KAZN: variants seen among roughly 807,000 people sequenced by gnomAD.
KAZN encodes kazrin.
KAZN carries 40 observed loss-of-function variants against 87.4 expected under a neutral mutation model. The ratio of observed to expected loss-of-function variants is 0.46; its 90% CI spans 0.36 to 0.60. KAZN has a LOEUF of 0.60. Ranked by LOEUF, KAZN falls within the 20% of genes least tolerant of loss-of-function variation. The pLI, the probability that KAZN is intolerant of heterozygous loss-of-function variation, is 0.00. For synonymous variants in KAZN, 466 were observed against 458.3 expected (o/e 1.02, Z -0.22); for missense variants, 898 against 1,073.9 (o/e 0.84, Z 2.29).
intron 2 of KAZN, among the ~76,000 whole-genome samples, chr1:14,554,459 A>G (rs971135466): frequency 3.3e-5 from 5 of 152,172 alleles, no homozygotes; most frequent in Admixed American, 2.0e-4. Context: ...GAAATGTGGC[A>G]AAATTTCACT....
rs546527986 is a variant in KAZN, at chr1:14,738,134, C to A, written c.226+138911C>A. ...GGGGCTACCCTTTCTCCCTTGGGCC[C>A]CACACCATGCACCCAGCTCCATGTG... On this transcript the variant is annotated intron_variant, in intron 1 of 14. Coordinates refer to ENST00000376030, the MANE Select transcript of KAZN (RefSeq NM_201628.3). Among the ~76,000 whole-genome samples, 8 of 152,246 alleles carry A rather than the reference C, an allele frequency of 5.3e-5. No individual in the cohort carries two copies. The South Asian group carries it at 1.7e-3, about 32-fold the overall frequency.
At chr1:14,932,612 A>T (rs892586135) in intron 1 of KAZN, among the ~76,000 whole-genome samples, 1 of 152,130 alleles carries the variant, frequency 6.6e-6, no homozygotes, top group East Asian at 1.9e-4. Context: ...CATGAGGCTC[A>T]TGAGTGTTTC....
intron 2 of KAZN, among the ~76,000 whole-genome samples, chr1:14,273,448 A>C (rs561302146): frequency 1.3e-5 from 2 of 152,308 alleles, no homozygotes; most frequent in African/African-American, 4.8e-5. Context: ...TAAATTGCTT[A>C]TTTGTGTTTC....
chr1:14,457,910 C>T lies in KAZN; in HGVS notation c.250-141073C>T, dbSNP rs187905758. 2.9e-3 allele frequency among the ~76,000 whole-genome samples: 445 copies of T among 151,780 alleles called. 5 individuals are homozygous for T. The East Asian group carries it at 0.034, about 12-fold the overall frequency. On this transcript the variant is annotated intron_variant, in intron 2 of 16. Coordinates refer to the KAZN transcript ENST00000636203. ...TCGGCTCACTGCAAGCTCTGCCTCCCGTGTTCACGCCATTCTCCCGCCTCA... is the reference window on the plus strand; with the variant it reads ...TCGGCTCACTGCAAGCTCTGCCTCCTGTGTTCACGCCATTCTCCCGCCTCA...
At position 14,079,843 on chromosome 1, in the gene KAZN, T is replaced by G. The variant is rs183218398; in HGVS notation, c.92-100592T>G. 5.2e-3 allele frequency among the ~76,000 whole-genome samples: 799 copies of G among 152,210 alleles called. 14 individuals are homozygous for G. Among genetic ancestry groups the G allele is most frequent in the African/African-American group, 0.018 (765 of 41,538 alleles). On this transcript the variant is annotated intron_variant, in intron 1 of 16. Transcript: ENST00000636203. ...AATACTTGGGCTGGCACCAAGCCAT[T>G]CATGAGGGACCCGCCCCCATGACCC... is the stretch of plus-strand genomic sequence containing the variant.
intron 1 of KAZN, among the ~76,000 whole-genome samples, chr1:14,043,067 A>G (rs1437442246): frequency 6.6e-6 from 1 of 152,002 alleles, no homozygotes; most frequent in African/African-American, 2.4e-5. Context: ...TACCAACTAA[A>G]CTCCTTCAAT....
intron 1 of KAZN, among the ~76,000 whole-genome samples, chr1:14,022,582 C>T (rs1014587436): frequency 3.4e-5 from 5 of 149,026 alleles, no homozygotes; most frequent in African/African-American, 7.4e-5. Context: ...TATGATGCAG[C>T]GTTTCTATAA....
intron 1 of KAZN, among the ~76,000 whole-genome samples, chr1:14,676,051 G>A (rs1255185503): frequency 1.4e-5 from 2 of 145,734 alleles, no homozygotes; most frequent in Non-Finnish European, 2.9e-5. Context: ...AATGAAGGGG[G>A]AGAGTGACCA....
chr1:14,683,924 A>G (rs991199646), intron 1 of KAZN, among the ~76,000 whole-genome samples: 1 of 152,162 alleles, frequency 6.6e-6, no homozygotes, highest in African/African-American at 2.4e-5. Flanking sequence ...CTTGAATGAT[A>G]TTTCAGCAGC....
chr1:14,386,979 A>T (rs1173830729), intron 2 of KAZN, among the ~76,000 whole-genome samples: 1 of 152,140 alleles, frequency 6.6e-6, no homozygotes, highest in Non-Finnish European at 1.5e-5. Context: ...GTCTTTTCAC[A>T]TCGTCCCATA....
chr1:14,858,757 T>C (rs1411688533), intron 1 of KAZN, among the ~76,000 whole-genome samples: 1 of 152,174 alleles, frequency 6.6e-6, no homozygotes, highest in East Asian at 1.9e-4. Context: ...ATTCCTCCTA[T>C]ATTTGCACTC....
intron 2 of KAZN, among the ~76,000 whole-genome samples, chr1:14,510,410 A>C (rs1670843311): frequency 6.6e-6 from 1 of 151,598 alleles, no homozygotes; most frequent in Non-Finnish European, 1.5e-5. Context: ...TGTTCAGTGC[A>C]ACAAATAGGT....
At chr1:14,139,763 A>C (rs1160992288) in intron 1 of KAZN, among the ~76,000 whole-genome samples, 1 of 152,198 alleles carries the variant, frequency 6.6e-6, no homozygotes, top group Admixed American at 6.5e-5. Context: ...CCAGATCCCT[A>C]TTTGGCATCA....
At chr1:14,054,545 C>T (rs80305870) in intron 1 of KAZN, among the ~76,000 whole-genome samples, 8,113 of 152,206 alleles carry the variant, frequency 0.053, 588 homozygotes, top group African/African-American at 0.16. Flanking sequence ...TTCCTAGGGG[C>T]TAAATTCTGG....
At chr1:14,947,045 G>A (rs932367329) in intron 1 of KAZN, among the ~76,000 whole-genome samples, 1 of 152,214 alleles carries the variant, frequency 6.6e-6, no homozygotes, top group African/African-American at 2.4e-5. Flanking sequence ...AATGGGTGGA[G>A]AAGGAAACTG....
At chr1:14,448,635 T>G (rs1667109767) in intron 2 of KAZN, among the ~76,000 whole-genome samples, 1 of 152,192 alleles carries the variant, frequency 6.6e-6, no homozygotes, top group Non-Finnish European at 1.5e-5. Flanking sequence ...AACTCTTGAC[T>G]GGACACCAGC....
intron 1 of KAZN, among the ~76,000 whole-genome samples, chr1:14,787,497 A>C (rs1452263013): frequency 6.6e-6 from 1 of 152,190 alleles, no homozygotes; most frequent in East Asian, 1.9e-4. Flanking sequence ...CCATGGTACT[A>C]CTACCTGCTT....
At chr1:14,915,773 CCTT>C (rs934900281) in intron 1 of KAZN, among the ~76,000 whole-genome samples, 8 of 152,300 alleles carry the variant, frequency 5.3e-5, no homozygotes, top group African/African-American at 1.4e-4. Flanking sequence ...TCTCCCTAAA[CCTT>C]CATTTTCTCA....
chr1:14,387,421 G>GT (rs1183524670), intron 2 of KAZN, among the ~76,000 whole-genome samples: 13 of 152,160 alleles, frequency 8.5e-5, no homozygotes, highest in Non-Finnish European at 1.3e-4. Flanking sequence ...TTTCTGCTCT[G>GT]TTTTTTCCCA....
Sources: gnomAD v4.1 joint callset for allele counts (sites outside exome capture counted in the v4.1 genomes callset) on GRCh38, gnomAD v4.1.1 for gene constraint, MANE v1.5 for transcripts, NCBI Gene and HGNC (gene_info 2026-07-23, HGNC 2026-07-21) for gene names.